The following ARID5B variants were observed in gnomAD, a reference collection of about 807,000 sequenced individuals.
The protein encoded by ARID5B is AT-rich interaction domain 5B, also known as AT-rich interactive domain-containing protein 5B.
A neutral mutation model predicts 97.2 loss-of-function variants in ARID5B; 13 were observed. That is an observed-to-expected ratio of 0.13 (90% CI 0.09 to 0.21). The LOEUF (loss-of-function observed/expected upper bound fraction) is 0.21, where lower values mean the gene tolerates loss of function less well. Among genes scored for constraint, ARID5B ranks in the 10% least tolerant of loss-of-function variants. The pLI is 1.00. For synonymous variants in ARID5B, 556 were observed against 570.3 expected (o/e 0.97, Z 0.36); for missense variants, 1,210 against 1,465.3 (o/e 0.83, Z 2.84).
intron 2 of ARID5B, among the ~76,000 whole-genome samples, chr10:61,916,343 G>T (rs1843903730): frequency 6.6e-6 from 1 of 152,204 alleles, no homozygotes; most frequent in East Asian, 1.9e-4. Context: ...GTCTCTGGCA[G>T]CTTTCGCACT....
intron 4 of ARID5B, among the ~76,000 whole-genome samples, chr10:62,015,710 G>A (rs1376045992): frequency 4.6e-5 from 7 of 152,008 alleles, no homozygotes; most frequent in Admixed American, 3.3e-4. Flanking sequence ...TGCAACCTCC[G>A]CCTCCCGGGT....
intron 3 of ARID5B, among the ~76,000 whole-genome samples, chr10:61,945,161 T>A (rs1844479788): frequency 6.6e-6 from 1 of 152,194 alleles, no homozygotes; most frequent in African/African-American, 2.4e-5. Flanking sequence ...ACTGTATGAT[T>A]TTTTACCTGA....
rs1249802128 is a variant in ARID5B at position 62,092,317 on chromosome 10, C to T, written c.2854C>T (p.Pro952Ser). 1 of 1,612,152 alleles carries T rather than the reference C, an allele frequency of 6.2e-7. No homozygotes were observed. The highest frequency in any genetic ancestry group is 8.5e-7 in the Non-Finnish European group (1 of 1,179,132). The change falls in exon 10 of 10, where the codon CCC becomes TCC. Residue 952 changes from proline to serine, a missense_variant. Around this residue, in one of 8 missense-constraint regions of ARID5B, gnomAD observed 800 missense variants for 839.1 expected, o/e 0.95. Coordinates refer to ENST00000279873, the MANE Select transcript of ARID5B (RefSeq NM_032199.3). ...VLGSQSRDCHPKACRVSPMTM... is the reference protein window; with the variant it reads ...VLGSQSRDCHSKACRVSPMTM... ...AGGCAGCCAGAGTCGAGACTGTCAC[C>T]CCAAAGCCTGTCGGGTATCACCCAT...
chr10:62,093,043 C>A lies in ARID5B; in HGVS notation c.*13C>A. 1 of 1,592,538 alleles carries A rather than the reference C, an allele frequency of 6.3e-7. No homozygotes were observed. Among genetic ancestry groups the A allele is most frequent in the South Asian group, 1.1e-5 (1 of 88,338 alleles). On this transcript the variant is annotated 3_prime_UTR_variant, in exon 10 of 10. Coordinates refer to ENST00000279873, the MANE Select transcript of ARID5B (RefSeq NM_032199.3). ...TACAAAACTGTAGGCTCAGCTCTGC[C>A]CAGCAGTCCAAAGCGGCATGGCCAA...
At chr10:61,913,941 G>A (rs1315565538) in intron 2 of ARID5B, among the ~76,000 whole-genome samples, 1 of 152,124 alleles carries the variant, frequency 6.6e-6, no homozygotes, top group Non-Finnish European at 1.5e-5. Context: ...AATAGAGACG[G>A]GGTTTCTCCA....
intron 4 of ARID5B, among the ~76,000 whole-genome samples, chr10:62,021,365 A>G (rs1381586860): frequency 6.6e-6 from 1 of 152,196 alleles, no homozygotes; most frequent in Non-Finnish European, 1.5e-5. Context: ...GTGTGTGCAA[A>G]GGCATCTTTA....
At chr10:62,010,459 G>T (rs867331808) in intron 4 of ARID5B, among the ~76,000 whole-genome samples, 2 of 152,092 alleles carry the variant, frequency 1.3e-5, no homozygotes, top group Non-Finnish European at 2.9e-5. Flanking sequence ...GAAATGATAC[G>T]AAAACTCTGC....
rs140722423 is a variant in ARID5B at position 62,054,793 on chromosome 10, A to T, written c.847-2324A>T. On this transcript the variant is annotated intron_variant, in intron 5 of 9. Coordinates refer to ENST00000279873, the MANE Select transcript of ARID5B (RefSeq NM_032199.3). ...TCAGTTTTGTACACAAACCTGAGAGATCTACTCCTTTATGTTATAAAATTG... is the reference window on the plus strand; with the variant it reads ...TCAGTTTTGTACACAAACCTGAGAGTTCTACTCCTTTATGTTATAAAATTG... 1.5e-3 allele frequency among the ~76,000 whole-genome samples: 229 copies of T among 152,292 alleles called. 1 individual carries two copies. The highest frequency in any genetic ancestry group is 4.1e-3 in the African/African-American group (170 of 41,568).
chr10:62,080,399 T>G (rs1007413425), intron 8 of ARID5B, among the ~76,000 whole-genome samples: 5 of 152,214 alleles, frequency 3.3e-5, no homozygotes, highest in Non-Finnish European at 5.9e-5. Context: ...CTCATTTACA[T>G]AGCACATTTG....
intron 9 of ARID5B, among the ~76,000 whole-genome samples, chr10:62,090,300 C>T (rs140547647): frequency 6.6e-6 from 1 of 152,120 alleles, no homozygotes; most frequent in Non-Finnish European, 1.5e-5. Context: ...ATCATCTGGC[C>T]CTGAGTAGAA....
chr10:62,022,979 T>C (rs1839375381), intron 4 of ARID5B, among the ~76,000 whole-genome samples: 1 of 152,222 alleles, frequency 6.6e-6, no homozygotes, highest in South Asian at 2.1e-4. Context: ...ATAAGGTCTT[T>C]AGTCAATGCT....
intron 4 of ARID5B, chr10:62,024,781 C>T (rs1423759314): frequency 2.6e-6 from 1 of 390,956 alleles, no homozygotes; most frequent in East Asian, 3.6e-5. Context: ...ATTGAGTTTC[C>T]ACTAGAGACG....
intron 3 of ARID5B, among the ~76,000 whole-genome samples, chr10:61,944,119 C>T (rs1844461723): frequency 4.6e-5 from 7 of 151,852 alleles, no homozygotes. Flanking sequence ...GAAACCAATG[C>T]AAATTATGAC....
At chr10:62,069,554 A>C (rs1266679027) in intron 7 of ARID5B, 146 bp from the exon 8 acceptor site, 1 of 668,098 alleles carries the variant, frequency 1.5e-6, no homozygotes, top group African/African-American at 1.8e-5. Flanking sequence ...ATGAAACCAT[A>C]AATCACCCCA....
intron 3 of ARID5B, among the ~76,000 whole-genome samples, chr10:61,963,522 C>G (rs111510880): frequency 2.2e-4 from 34 of 151,956 alleles, no homozygotes; most frequent in African/African-American, 8.0e-4. Context: ...CTCATGACAC[C>G]ACCCCACATC....
intron 2 of ARID5B, among the ~76,000 whole-genome samples, chr10:61,902,664 T>C (rs1589211477): frequency 6.8e-6 from 1 of 147,172 alleles, no homozygotes; most frequent in East Asian, 2.0e-4. Context: ...AGAAGGGTTT[T>C]GTTCAAGGAT....
At position 62,095,820 on chromosome 10, in the gene ARID5B, G is replaced by T. The variant is rs1215131510; in HGVS notation, c.*2790G>T. On this transcript the variant is annotated 3_prime_UTR_variant, in exon 10 of 10. Transcript: ENST00000279873. Reference sequence around the variant, plus strand: ...TGGAATTGCACAAGCCTTTCTTTGTGCAATCAAACCATTGTTATTGGTAGT... The same window carrying T: ...TGGAATTGCACAAGCCTTTCTTTGTTCAATCAAACCATTGTTATTGGTAGT... 8.7e-6 allele frequency: 2 copies of T among 230,928 alleles called. No individual in the cohort carries two copies. Among genetic ancestry groups the T allele is most frequent in the African/African-American group, 4.4e-5 (2 of 45,194 alleles). 14.3% of individuals were successfully genotyped at this position (230,928 alleles called of 1,614,324 possible).
chr10:62,093,062 T>C lies in ARID5B; in HGVS notation c.*32T>C, dbSNP rs1413379609. On this transcript the variant is annotated 3_prime_UTR_variant, in exon 10 of 10. Coordinates refer to ENST00000279873, the MANE Select transcript of ARID5B (RefSeq NM_032199.3). Reference sequence around the variant, plus strand: ...CTCTGCCCAGCAGTCCAAAGCGGCATGGCCAACAGAGCTTCACTCCTTACC... The same window carrying C: ...CTCTGCCCAGCAGTCCAAAGCGGCACGGCCAACAGAGCTTCACTCCTTACC... The C allele has an allele frequency of 6.4e-7, 1 of 1,570,114 alleles. No homozygotes were observed. The highest frequency in any genetic ancestry group is 8.6e-7 in the Non-Finnish European group (1 of 1,164,606).
At chr10:62,065,924 G>A (rs375063774) in intron 7 of ARID5B, among the ~76,000 whole-genome samples, 3 of 150,734 alleles carry the variant, frequency 2.0e-5, no homozygotes, top group Non-Finnish European at 4.4e-5. Flanking sequence ...TAGAAGGTCA[G>A]GTTGAAACAC....
Sources: gnomAD v4.1 joint callset for allele counts (sites outside exome capture counted in the v4.1 genomes callset) on GRCh38, gnomAD v4.1.1 for gene constraint, gnomAD v4.1.1 regional missense constraint, MANE v1.5 for transcripts, NCBI Gene and HGNC (gene_info 2026-07-23, HGNC 2026-07-21) for gene names.